CEP350: variants seen among roughly 807,000 people sequenced by gnomAD.
CEP350 encodes centrosomal protein 350.
CEP350 carries 126 observed loss-of-function variants against 331.8 expected under a neutral mutation model. The ratio of observed to expected loss-of-function variants is 0.38; its 90% confidence interval spans 0.33 to 0.44. The LOEUF (loss-of-function observed/expected upper bound fraction) is 0.44. CEP350 is among the 20% of genes least tolerant of loss of function. CEP350 has a pLI of 1.00. For missense variants in CEP350, 3,406 were observed against 3,634.6 expected, an observed-to-expected ratio of 0.94 and a Z score of 1.62; for synonymous variants, 1,200 against 1,259.5, an observed-to-expected ratio of 0.95 and a Z score of 1.00.
intron 33 of CEP350, among the ~76,000 whole-genome samples, chr1:180,091,736 A>C (rs887700868): frequency 6.6e-6 from 1 of 152,054 alleles, no homozygotes; most frequent in African/African-American, 2.4e-5. Flanking sequence ...GGGCTGAGGC[A>C]GGAAGATCGC....
Position 180,078,517 on chromosome 1 carries a change from A to G in CEP350, c.5822A>G (p.Glu1941Gly). Residue 1941 changes from glutamate to glycine, a missense_variant, in exon 29 of 38, where the codon GAA (glutamate) becomes GGA (glycine). Around this residue, in one of 5 missense-constraint regions of CEP350, gnomAD observed 1,415 missense variants for 1,512.3 expected, o/e 0.94. Coordinates refer to ENST00000367607, the MANE Select transcript of CEP350 (RefSeq NM_014810.5). ...PVPLYSHLNS[E>G]SSIPEELGSP... ...CCTCTGTACTCTCATCTAAACAGTG[A>G]AAGCTCCATTCCAGAAGAATTAGGC... 1 of 1,613,716 alleles carries G rather than the reference A, an allele frequency of 6.2e-7. No homozygotes were observed. The highest frequency in any genetic ancestry group is 1.1e-5 in the South Asian group (1 of 90,990).
chr1:179,971,517 G>A (rs1035954247), intron 1 of CEP350, among the ~76,000 whole-genome samples: 1 of 152,002 alleles, frequency 6.6e-6, no homozygotes, highest in Non-Finnish European at 1.5e-5. Context: ...GTGGACACTG[G>A]GTCTCACTTT....
At chr1:180,045,407 A>G (rs548600248) in intron 21 of CEP350, among the ~76,000 whole-genome samples, 59 of 152,260 alleles carry the variant, frequency 3.9e-4, no homozygotes, top group African/African-American at 1.4e-3. Context: ...TATAGCTTTC[A>G]ATTATGGTTC....
Position 180,093,159 on chromosome 1 carries a change from G to A in CEP350, c.7054G>A (p.Glu2352Lys), listed in dbSNP as rs899942622. 5 of 1,597,506 alleles carry A rather than the reference G, an allele frequency of 3.1e-6. No homozygotes were observed. Among genetic ancestry groups the A allele is most frequent in the African/African-American group, 2.7e-5 (2 of 74,714 alleles). Residue 2352 changes from glutamate to lysine, a missense_variant, in exon 34 of 38, where the codon GAA (glutamate) becomes AAA (lysine). Physicochemically the swap from Glu to Lys is moderately conservative, Grantham distance 56. Around this residue, in one of 5 missense-constraint regions of CEP350, gnomAD observed 1,415 missense variants for 1,512.3 expected, o/e 0.94. Transcript: ENST00000367607. ...CATCCAATCAGGAAAAGACATTCAC[G>A]AACAAAAGAACACAAAGGAAAAAGA... is the stretch of plus-strand genomic sequence containing the variant. ...PNIQSGKDIH[E>K]QKNTKEKDLS...
intron 16 of CEP350, among the ~76,000 whole-genome samples, chr1:180,034,870 G>A (rs891448197): frequency 2.0e-5 from 3 of 152,054 alleles, no homozygotes; most frequent in East Asian, 1.9e-4. Context: ...AAGTATTCAC[G>A]TGAGAGGAAG....
chr1:180,008,469 T>C lies in CEP350; in HGVS notation c.1246+1902T>C, dbSNP rs1231194193. Among the ~76,000 whole-genome samples the C allele has an allele frequency of 2.6e-5, 4 of 151,406 alleles. No individual in the cohort carries two copies. In the East Asian group the frequency reaches 7.8e-4, roughly 29 times the overall value. ...CTGTTAGCTATGACTCCACTGATAA[T>C]AGTAATTATTATTTCTGGCTATATT... On this transcript the variant is annotated intron_variant, in intron 8 of 37. Coordinates refer to ENST00000367607, the MANE Select transcript of CEP350 (RefSeq NM_014810.5).
chr1:180,017,617 C>G (rs564564971), intron 11 of CEP350, among the ~76,000 whole-genome samples: 107 of 152,216 alleles, frequency 7.0e-4, no homozygotes, highest in African/African-American at 2.5e-3. Flanking sequence ...TTTTAATATC[C>G]AACTTCTTTG....
rs1177748263 is a variant in CEP350 at position 180,003,180 on chromosome 1, A to G, written c.1025A>G (p.Asn342Ser). 8 of 1,609,568 alleles carry G rather than the reference A, an allele frequency of 5.0e-6. No homozygotes were observed. In the Admixed American group the frequency reaches 6.7e-5, roughly 14 times the overall value. The stretch of plus-strand genomic sequence containing the variant: ...TGTTACTGGTATGTATTAGGTTTCA[A>G]CCCTTCAGAGACCAAGATTCGAACA... ...APPAPAYKGFNPSETKIRTPD... is the reference protein window; with the variant it reads ...APPAPAYKGFSPSETKIRTPD... The change falls in exon 7 of 38, where the codon AAC becomes AGC. Residue 342 changes from asparagine (N) to serine (S), a missense_variant. Coordinates refer to ENST00000367607, the MANE Select transcript of CEP350 (RefSeq NM_014810.5).
At chr1:180,110,684 A>T (rs1353821794) in intron 37 of CEP350, among the ~76,000 whole-genome samples, 1 of 152,142 alleles carries the variant, frequency 6.6e-6, no homozygotes, top group Non-Finnish European at 1.5e-5. Context: ...TTATTCTCTT[A>T]TGTTATGGAA....
intron 15 of CEP350, among the ~76,000 whole-genome samples, chr1:180,033,411 C>T (rs140839916): frequency 2.0e-3 from 307 of 152,144 alleles, no homozygotes; most frequent in African/African-American, 6.9e-3. Flanking sequence ...GAGGGTATAA[C>T]AAAAGAATAG....
At chr1:179,960,886 A>G (rs1478410054) in intron 1 of CEP350, among the ~76,000 whole-genome samples, 2 of 152,118 alleles carry the variant, frequency 1.3e-5, no homozygotes, top group African/African-American at 2.4e-5. Flanking sequence ...AGTAAATGGA[A>G]CTGTTAGGTA....
chr1:180,080,407 T>C, intron 29 of CEP350, 110 bp from the exon 30 acceptor site: 1 of 932,552 alleles, frequency 1.1e-6, no homozygotes, highest in Non-Finnish European at 1.6e-6. Flanking sequence ...TTAACAGTTA[T>C]CTTAAATTCT....
rs1322764663 is a variant in CEP350 at position 180,095,577 on chromosome 1, G to A, written c.8566G>A (p.Glu2856Lys). 1.2e-6 allele frequency: 2 copies of A among 1,613,912 alleles called. No homozygotes were observed. Among genetic ancestry groups the A allele is most frequent in the Non-Finnish European group, 1.7e-6 (2 of 1,179,870 alleles). Residue 2856 changes from glutamate (E) to lysine (K), a missense_variant, in exon 35 of 38, where the codon GAA (glutamate) becomes AAA (lysine). Glu to Lys is a moderately conservative substitution (Grantham distance 56, BLOSUM62 1). Around this residue, in one of 5 missense-constraint regions of CEP350, gnomAD observed 1,415 missense variants for 1,512.3 expected, o/e 0.94. Coordinates refer to ENST00000367607, the MANE Select transcript of CEP350 (RefSeq NM_014810.5). Reference protein sequence around the residue: ...GQEELAKRLAELELSREFLSA... With the variant: ...GQEELAKRLAKLELSREFLSA... ...GGAAGAACTTGCTAAGAGACTTGCT[G>A]AACTTGAACTCAGCCGGGAGTTCCT...
At position 180,092,771 on chromosome 1, in the gene CEP350, T is replaced by C. The variant is rs781634146; in HGVS notation, c.6666T>C (p.Ser2222=). 1.3e-5 allele frequency: 20 copies of C among 1,587,592 alleles called. No individual in the cohort carries two copies. The highest frequency in any genetic ancestry group is 1.8e-5 in the Admixed American group (1 of 55,600). The change falls in exon 34 of 38, where the codon TCT becomes TCC. Residue 2222 remains serine (S), a synonymous_variant. Transcript: ENST00000367607. ...SRKIREESGD[S]LENVPALHLL... is the part of the protein sequence containing the mutation. ...AAATCAGAGAAGAATCTGGAGATTC[T>C]CTAGAAAATGTACCTGCATTACATC...
chr1:180,041,573 A>G, intron 18 of CEP350, 89 bp from the exon 19 acceptor site: 6 of 1,277,412 alleles, frequency 4.7e-6, no homozygotes, highest in Non-Finnish European at 5.3e-6. Context: ...ACTATGAATA[A>G]GACATGAAAT....
chr1:180,080,618 C>A lies in CEP350; in HGVS notation c.6081C>A (p.His2027Gln). 6.2e-7 allele frequency: 1 copy of A among 1,613,874 alleles called. No individual in the cohort carries two copies. The highest frequency in any genetic ancestry group is 1.7e-5 in the Admixed American group (1 of 60,016). ...QCHLPIKSHQHCYSWSDESLS... is the reference protein window; with the variant it reads ...QCHLPIKSHQQCYSWSDESLS... Reference sequence around the variant, plus strand: ...ACCTGCCTATCAAGTCCCATCAGCACTGTTATAGTTGGTCAGATGAGTCAT... The same window carrying A: ...ACCTGCCTATCAAGTCCCATCAGCAATGTTATAGTTGGTCAGATGAGTCAT... Residue 2027 changes from histidine to glutamine, a missense_variant, in exon 30 of 38, where the codon CAC becomes CAA. His to Gln is a conservative substitution (Grantham distance 24). Around this residue, in one of 5 missense-constraint regions of CEP350, gnomAD observed 1,415 missense variants for 1,512.3 expected, o/e 0.94. Transcript: ENST00000367607.
Position 180,094,205 on chromosome 1 carries a change from T to G in CEP350, c.8100T>G (p.Phe2700Leu). Residue 2700 changes from phenylalanine (F) to leucine (L), a missense_variant, in exon 34 of 38, where the codon TTT becomes TTG. Physicochemically the swap from Phe to Leu is conservative, Grantham distance 22. Transcript: ENST00000367607. ...FSEELEKQQQ[F>L]TEEEDNLYAE... is the part of the protein sequence containing the mutation. ...AAGAATTGGAGAAGCAACAGCAGTT[T>G]ACAGAAGAGGAAGACAACCTATATG... The G allele has an allele frequency of 6.2e-7, 1 of 1,613,384 alleles. No homozygotes were observed. The highest frequency in any genetic ancestry group is 2.2e-5 in the East Asian group (1 of 44,870).
At chr1:180,049,543 CTTTTTTTT>C (rs34061683) in intron 22 of CEP350, among the ~76,000 whole-genome samples, 4 of 130,186 alleles carry the variant, frequency 3.1e-5, no homozygotes, top group African/African-American at 1.2e-4. Flanking sequence ...TTACTTACAC[CTTTTTTTT>C]TTTTTTTTTT....
chr1:180,105,376 C>T (rs888006703), intron 37 of CEP350, among the ~76,000 whole-genome samples: 9 of 151,990 alleles, frequency 5.9e-5, no homozygotes, highest in African/African-American at 2.2e-4. Flanking sequence ...GTATGTTCAC[C>T]ACTCCCAAAT....
Sources: allele counts gnomAD v4.1 joint callset (sites outside exome capture counted in the v4.1 genomes callset), GRCh38; gene constraint gnomAD v4.1.1; regional missense constraint gnomAD v4.1.1; transcripts MANE v1.5; gene names NCBI Gene and HGNC (gene_info 2026-07-23, HGNC 2026-07-21).